The following CAPN8 variants were observed in gnomAD, a reference collection of about 807,000 sequenced individuals.
CAPN8 encodes the protein calpain 8.
In CAPN8, 87 loss-of-function variants were observed where a neutral mutation model predicts 80.9. The observed-to-expected ratio is 1.07, with a 90% CI of 0.90 to 1.28. The LOEUF is 1.28. CAPN8 is among the 50% of genes most tolerant of loss of function. CAPN8 has a pLI of 0.00. For missense variants in CAPN8, 757 were observed against 702.0 expected (o/e 1.08, Z -0.89); for synonymous variants, 299 against 273.8 (o/e 1.09, Z -0.91).
intron 2 of CAPN8, among the ~76,000 whole-genome samples, chr1:223,633,187 T>A (rs1657822331): frequency 6.6e-6 from 1 of 152,164 alleles, no homozygotes; most frequent in South Asian, 2.1e-4. Flanking sequence ...TAACTGATAT[T>A]AGAAGCATGA....
At chr1:223,555,840 C>G (rs1263803618) in intron 13 of CAPN8, among the ~76,000 whole-genome samples, 3 of 152,050 alleles carry the variant, frequency 2.0e-5, no homozygotes, top group Admixed American at 6.6e-5. Context: ...CACAATTTGT[C>G]CATTCAAAAA....
intron 2 of CAPN8, among the ~76,000 whole-genome samples, chr1:223,645,001 G>A (rs10799583): frequency 0.22 from 33,269 of 152,096 alleles, 3,739 homozygotes; most frequent in South Asian, 0.27. Context: ...ACAATAAGCC[G>A]TCTGCAAGCT....
chr1:223,645,916 T>C (rs187487481), intron 2 of CAPN8, among the ~76,000 whole-genome samples: 82 of 152,272 alleles, frequency 5.4e-4, no homozygotes, highest in African/African-American at 1.8e-3. Flanking sequence ...TGCTCCACTT[T>C]CTAGGAGCAG....
Position 223,619,464 on chromosome 1 carries a change from G to C in CAPN8, c.975-11C>G. Reference sequence around the variant, plus strand: ...TCTGAAAGTGACATCCTGGGGCAGAGGCACCAGAGGGCTCTCAGTGAAGAG... The same window carrying C: ...TCTGAAAGTGACATCCTGGGGCAGACGCACCAGAGGGCTCTCAGTGAAGAG... On this transcript the variant is annotated splice_polypyrimidine_tract_variant and intron_variant, in intron 8 of 20. Coordinates refer to ENST00000366872, the MANE Select transcript of CAPN8 (RefSeq NM_001143962.2). 1 of 1,551,438 alleles carries C rather than the reference G, an allele frequency of 6.4e-7. No homozygotes were observed. The highest frequency in any genetic ancestry group is 8.7e-7 in the Non-Finnish European group (1 of 1,146,954).
At chr1:223,630,202 C>A (rs966559125) in intron 2 of CAPN8, among the ~76,000 whole-genome samples, 2 of 152,136 alleles carry the variant, frequency 1.3e-5, no homozygotes, top group East Asian at 1.9e-4. Context: ...TCTTTCCCAA[C>A]AAAGTCATTC....
At chr1:223,553,800 C>T (rs1419780453) in intron 14 of CAPN8, 32 bp downstream of exon 14, 8 of 398,654 alleles carry the variant, frequency 2.0e-5, no homozygotes, top group Middle Eastern at 6.3e-4. Context: ...TTCTCCTGCC[C>T]ACCTGGGAAG....
intron 9 of CAPN8, chr1:223,618,095 C>G: frequency 1.2e-6 from 1 of 800,224 alleles, no homozygotes; most frequent in South Asian, 1.7e-5. Flanking sequence ...ACTGGCCCTG[C>G]CCCATGCGCT....
rs1656510998 is a variant in CAPN8, at chr1:223,543,046, A to T, written c.2088+62T>A. ...CAGGAATAAGCATCACTTGGCAGCT[A>T]CATGGTCCAAGAATTTCAGAGTACC... On this transcript the variant is annotated intron_variant, in intron 20 of 20. Coordinates refer to ENST00000366872, the MANE Select transcript of CAPN8 (RefSeq NM_001143962.2). 2.1e-5 allele frequency: 33 copies of T among 1,535,846 alleles called. No individual in the cohort carries two copies. In the South Asian group the frequency reaches 4.0e-4, roughly 18 times the overall value.
At chr1:223,645,555 G>C (rs1009991090) in intron 2 of CAPN8, among the ~76,000 whole-genome samples, 3 of 152,308 alleles carry the variant, frequency 2.0e-5, no homozygotes, top group East Asian at 1.9e-4. Flanking sequence ...AAGTCTGAAG[G>C]GGGTGGGGGG....
intron 6 of CAPN8, among the ~76,000 whole-genome samples, chr1:223,624,546 A>T (rs926317738): frequency 6.6e-6 from 1 of 151,748 alleles, no homozygotes; most frequent in Admixed American, 6.6e-5. Flanking sequence ...CTCTACAAAA[A>T]TTTTTAAAAA....
chr1:223,658,284 T>A (rs1397110161), intron 1 of CAPN8, among the ~76,000 whole-genome samples: 2 of 152,150 alleles, frequency 1.3e-5, no homozygotes, highest in Admixed American at 6.5e-5. Flanking sequence ...TGCTAAAATG[T>A]TGAGTTTGGG....
rs929987367 is a variant in CAPN8 at position 223,550,952 on chromosome 1, G to A, written c.1699+8C>T. 1 of 717,930 alleles carries A rather than the reference G, an allele frequency of 1.4e-6. No homozygotes were observed. Among genetic ancestry groups the A allele is most frequent in the Non-Finnish European group, 2.6e-6 (1 of 384,896 alleles). 44.5% of individuals were successfully genotyped at this position (717,930 alleles called of 1,614,324 possible). A position where few individuals can be genotyped will look rare whatever the true frequency, so the allele number is the denominator to read the frequency against. ...GGACTTTCTGAAAGACCCCAAGAAG[G>A]AACTTACTCTTGGAAAACGCCTCAT... On this transcript the variant is annotated splice_region_variant and intron_variant, in intron 15 of 20. Coordinates refer to ENST00000366872, the MANE Select transcript of CAPN8 (RefSeq NM_001143962.2).
Position 223,616,159 on chromosome 1 carries a change from A to T in CAPN8, c.1136-14T>A. ...TCCAGTACGTGGCTGGAAGTCACCC[A>T]GGTGATGGTGGTTCCCCACGTAGCG... is the stretch of plus-strand genomic sequence containing the variant. On this transcript the variant is annotated splice_polypyrimidine_tract_variant and intron_variant, in intron 9 of 20. Coordinates refer to ENST00000366872, the MANE Select transcript of CAPN8 (RefSeq NM_001143962.2). 5 of 1,541,430 alleles carry T rather than the reference A, an allele frequency of 3.2e-6. No individual in the cohort carries two copies. The highest frequency in any genetic ancestry group is 4.4e-6 in the Non-Finnish European group (5 of 1,139,484).
In CAPN8 at chr1:223,541,848, G is replaced by A. The variant is rs754474505; in HGVS notation, c.2100C>T (p.Cys700=). Residue 700 remains cysteine, a synonymous_variant, in exon 21 of 21, where the codon TGC becomes TGT. Coordinates refer to ENST00000366872, the MANE Select transcript of CAPN8 (RefSeq NM_001143962.2). ...CCGAAACCCCGGGTCAGACCAACAC[G>A]CAGCACAGCCACTGCAAAGGAAAGG... ...VQLSLAEWLC[C]VLV 3.2e-5 allele frequency: 50 copies of A among 1,550,244 alleles called. No homozygotes were observed. Among genetic ancestry groups the A allele is most frequent in the South Asian group, 4.8e-5 (4 of 83,972 alleles).
In CAPN8 at chr1:223,544,829, A is replaced by G; in HGVS notation, c.1855T>C (p.Tyr619His). 1 of 1,551,646 alleles carries G rather than the reference A, an allele frequency of 6.4e-7. No individual in the cohort carries two copies. The highest frequency in any genetic ancestry group is 8.7e-7 in the Non-Finnish European group (1 of 1,146,994). The change falls in exon 18 of 21, where the codon TAT (tyrosine) becomes CAT (histidine). Residue 619 changes from tyrosine to histidine, a missense_variant. Tyr to His is a moderately conservative substitution (Grantham distance 83). Coordinates refer to ENST00000366872, the MANE Select transcript of CAPN8 (RefSeq NM_001143962.2). ...KYLEIYWETD[Y>H]NHSGTIDAHE... The stretch of plus-strand genomic sequence containing the variant: ...GCATCGATGGTGCCCGAGTGGTTAT[A>G]ATCAGTTTCCCAATAGATCTCCTAA...
chr1:223,550,956 T>A lies in CAPN8; in HGVS notation c.1699+4A>T. On this transcript the variant is annotated splice_donor_region_variant and intron_variant, in intron 15 of 20. Transcript: ENST00000366872. ...TTTCTGAAAGACCCCAAGAAGGAAC[T>A]TACTCTTGGAAAACGCCTCATTCAA... 1 of 718,106 alleles carries A rather than the reference T, an allele frequency of 1.4e-6. No homozygotes were observed. The highest frequency in any genetic ancestry group is 2.6e-6 in the Non-Finnish European group (1 of 384,912). 44.5% of individuals were successfully genotyped at this position (718,106 alleles called of 1,614,324 possible). A position where few individuals can be genotyped will look rare whatever the true frequency, so the allele number is the denominator to read the frequency against.
At chr1:223,621,749 C>T (rs993725006) in intron 7 of CAPN8, among the ~76,000 whole-genome samples, 1 of 152,074 alleles carries the variant, frequency 6.6e-6, no homozygotes, top group East Asian at 1.9e-4. Flanking sequence ...TTCGAAAGCC[C>T]TGGTGGCATC....
At chr1:223,548,755 A>G (rs1396534724) in intron 16 of CAPN8, among the ~76,000 whole-genome samples, 1 of 152,244 alleles carries the variant, frequency 6.6e-6, no homozygotes, top group African/African-American at 2.4e-5. Context: ...TACAGCAGCC[A>G]GAACAGCCTA....
chr1:223,552,446 C>T (rs1003200648), intron 14 of CAPN8, among the ~76,000 whole-genome samples: 2 of 151,872 alleles, frequency 1.3e-5, no homozygotes, highest in Non-Finnish European at 2.9e-5. Context: ...CATCTGCAGT[C>T]CCAGCTACTC....
Sources: gnomAD v4.1 joint callset for allele counts (sites outside exome capture counted in the v4.1 genomes callset) on GRCh38, gnomAD v4.1.1 for gene constraint, MANE v1.5 for transcripts, NCBI Gene and HGNC (gene_info 2026-07-23, HGNC 2026-07-21) for gene names.